CHD1: variants seen among roughly 807,000 people sequenced by gnomAD.
CHD1 encodes ATP-dependent chromatin remodeler CHD1.
In CHD1, 36 loss-of-function variants were observed where a neutral mutation model predicts 224.2. The observed-to-expected ratio is 0.16, with a 90% CI of 0.12 to 0.21. The LOEUF is 0.21. CHD1 is among the 10% of genes least tolerant of loss of function. The pLI is 1.00. For missense variants in CHD1, 1,378 were observed against 1,994.8 expected (o/e 0.69, Z 5.89); for synonymous variants, 668 against 658.3 (o/e 1.01, Z -0.23).
intron 16 of CHD1, 82 bp from the exon 17 acceptor site, chr5:98,888,322 T>C: frequency 3.1e-6 from 3 of 976,260 alleles, no homozygotes; most frequent in Non-Finnish European, 4.4e-6. Flanking sequence ...GCCTGAATTA[T>C]TTTAAATTGA....
In CHD1 at chr5:98,863,591, A is replaced by C; in HGVS notation, c.4249-5T>G. 1 of 1,589,460 alleles carries C rather than the reference A, an allele frequency of 6.3e-7. No individual in the cohort carries two copies. The highest frequency in any genetic ancestry group is 8.5e-7 in the Non-Finnish European group (1 of 1,172,004). On this transcript the variant is annotated splice_polypyrimidine_tract_variant and splice_region_variant and intron_variant, in intron 31 of 35. Transcript: ENST00000614616. ...AGGCCTCATTCTTTCTTTACACTTT[A>C]AAATGAGAAAACAAGAATATAAACA... is the stretch of plus-strand genomic sequence containing the variant.
chr5:98,872,455 C>T lies in CHD1; in HGVS notation c.3672G>A (p.Leu1224=), dbSNP rs1294830216. 2 of 1,613,324 alleles carry T rather than the reference C, an allele frequency of 1.2e-6. No individual in the cohort carries two copies. Among genetic ancestry groups the T allele is most frequent in the Non-Finnish European group, 1.7e-6 (2 of 1,179,686 alleles). The part of the protein sequence containing the change: ...VISHEEELIP[L]HKSIPSDPEE... ...CTGGATCAGAAGGAATGGATTTGTG[C>T]AAAGGTATTAATTCTTCTTCATGGG... The change falls in exon 27 of 36, where the codon TTG becomes TTA. Residue 1224 remains leucine, a synonymous_variant. Transcript: ENST00000614616.
At chr5:98,859,039 A>T (rs759665380) in intron 33 of CHD1, 24 bp from the exon 34 acceptor site, 72 of 1,553,626 alleles carry the variant, frequency 4.6e-5, no homozygotes, top group Non-Finnish European at 6.2e-5. Context: ...ACACGTGTTA[A>T]GAATCTTTAG....
intron 2 of CHD1, among the ~76,000 whole-genome samples, chr5:98,918,753 CAAA>C (rs35829200): frequency 6.2e-5 from 4 of 64,556 alleles, no homozygotes; most frequent in African/African-American, 1.8e-4. Flanking sequence ...CAAGACTCTT[CAAA>C]AAAAAAAAAA....
chr5:98,879,692 C>G lies in CHD1; in HGVS notation c.3097G>C (p.Glu1033Gln), dbSNP rs1347417790. 1.9e-6 allele frequency: 3 copies of G among 1,605,728 alleles called. No individual in the cohort carries two copies. Among genetic ancestry groups the G allele is most frequent in the Non-Finnish European group, 2.5e-6 (3 of 1,178,024 alleles). ...NFSNMDEDDI[E>Q]LEPERNSKNW... is the part of the protein sequence containing the mutation. Reference sequence around the variant, plus strand: ...TTTGAATTTCTTTCAGGTTCCAACTCAATGTCATCCTCATCCATATTTGAG... The same window carrying G: ...TTTGAATTTCTTTCAGGTTCCAACTGAATGTCATCCTCATCCATATTTGAG... The change falls in exon 23 of 36, where the codon GAG (glutamate) becomes CAG (glutamine). Residue 1033 changes from glutamate to glutamine, a missense_variant. Around this residue, in one of 16 missense-constraint regions of CHD1, gnomAD observed 286 missense variants for 445.1 expected, o/e 0.64. Transcript: ENST00000614616.
chr5:98,872,706 T>C, intron 26 of CHD1, 151 bp from the exon 27 acceptor site: 1 of 693,056 alleles, frequency 1.4e-6, no homozygotes, highest in African/African-American at 1.8e-5. Flanking sequence ...TTGAACTTCA[T>C]TACATATGAA....
intron 32 of CHD1, among the ~76,000 whole-genome samples, chr5:98,860,916 C>T (rs1748419561): frequency 6.6e-6 from 1 of 152,118 alleles, no homozygotes; most frequent in African/African-American, 2.4e-5. Flanking sequence ...CTATCTCGAA[C>T]ATATCTACAT....
intron 15 of CHD1, among the ~76,000 whole-genome samples, chr5:98,891,106 C>T (rs1750993944): frequency 6.6e-6 from 1 of 152,152 alleles, no homozygotes; most frequent in African/African-American, 2.4e-5. Flanking sequence ...TGGGGTCTCA[C>T]TCTGTCACCC....
intron 2 of CHD1, among the ~76,000 whole-genome samples, chr5:98,909,115 A>C (rs1373078589): frequency 6.6e-6 from 1 of 152,162 alleles, no homozygotes; most frequent in East Asian, 1.9e-4. Context: ...CTCTTAAAAG[A>C]TCACTTCGTT....
rs185704335 is a variant in CHD1, at chr5:98,856,013, T to C, written c.*367A>G. On this transcript the variant is annotated 3_prime_UTR_variant, in exon 36 of 36. Coordinates refer to ENST00000614616, the MANE Select transcript of CHD1 (RefSeq NM_001270.4). ...CCTGAAACATGATCACAGGTCAGAG[T>C]AAAGTTCATATATAAACATAATTTA... is the stretch of plus-strand genomic sequence containing the variant. The C allele has an allele frequency of 0.013, 2,129 of 163,460 alleles. 16 individuals are homozygous for C. The highest frequency in any genetic ancestry group is 0.019 in the Non-Finnish European group (1,414 of 73,560). The allele number at this position is 163,460 out of a possible 1,614,324, so 10.1% of individuals were successfully genotyped here.
intron 31 of CHD1, among the ~76,000 whole-genome samples, chr5:98,865,950 T>TG (rs33993651): frequency 1.3e-5 from 2 of 151,722 alleles, no homozygotes; most frequent in Non-Finnish European, 1.5e-5. Context: ...AAAAGAAATG[T>TG]GGGGGGAAAA....
chr5:98,922,008 C>T (rs972230402), intron 2 of CHD1, among the ~76,000 whole-genome samples: 3 of 152,062 alleles, frequency 2.0e-5, no homozygotes, highest in African/African-American at 4.8e-5. Context: ...CAAAAATTAG[C>T]GGGGCATGGT....
rs751872715 is a variant in CHD1 at position 98,926,415 on chromosome 5, T to A, written c.-29A>T. ...AAATTATTATCAAGAAGTTTTAAAGTAAAATATAAATCTTCCCAGTTTAAA... is the reference window on the plus strand; with the variant it reads ...AAATTATTATCAAGAAGTTTTAAAGAAAAATATAAATCTTCCCAGTTTAAA... On this transcript the variant is annotated 5_prime_UTR_variant, in exon 2 of 36. Transcript: ENST00000614616. The A allele has an allele frequency of 1.5e-5, 18 of 1,231,924 alleles. No individual in the cohort carries two copies. The highest frequency in any genetic ancestry group is 2.0e-5 in the Non-Finnish European group (18 of 885,698). 76.3% of individuals were successfully genotyped at this position (1,231,924 alleles called of 1,614,324 possible).
chr5:98,902,107 C>T (rs1011009073), intron 5 of CHD1, among the ~76,000 whole-genome samples: 3 of 151,156 alleles, frequency 2.0e-5, no homozygotes, highest in Non-Finnish European at 3.0e-5. Flanking sequence ...GCTTGCACAC[C>T]GAAAAAAAGT....
intron 30 of CHD1, chr5:98,869,550 C>T (rs1265611259): frequency 1.7e-6 from 1 of 576,378 alleles, no homozygotes; most frequent in African/African-American, 1.9e-5. Context: ...TATATAATAT[C>T]TACTGGACAG....
chr5:98,901,128 A>G, intron 6 of CHD1, 46 bp from the exon 7 acceptor site: 1 of 1,574,044 alleles, frequency 6.4e-7, no homozygotes. Flanking sequence ...GAGAAACTAT[A>G]TACAAAAAGA....
Position 98,907,440 on chromosome 5 carries a change from T to C in CHD1, c.54-2342A>G, listed in dbSNP as rs549044135. Among the ~76,000 whole-genome samples, 61 of 151,998 alleles carry C rather than the reference T, an allele frequency of 4.0e-4. 1 individual carries two copies. In the South Asian group the frequency reaches 0.012, roughly 30 times the overall value. Reference sequence around the variant, plus strand: ...CTCGACTCTACTGAAAATACAAAACTGGCTGGGCATGGTGGCGCATGCCTG... The same window carrying C: ...CTCGACTCTACTGAAAATACAAAACCGGCTGGGCATGGTGGCGCATGCCTG... On this transcript the variant is annotated intron_variant, in intron 2 of 35. Coordinates refer to ENST00000614616, the MANE Select transcript of CHD1 (RefSeq NM_001270.4).
chr5:98,884,256 A>G (rs1224199230), intron 18 of CHD1, among the ~76,000 whole-genome samples: 1 of 151,662 alleles, frequency 6.6e-6, no homozygotes, highest in East Asian at 2.0e-4. Context: ...TTGTATTTTT[A>G]GTAGAGATGG....
chr5:98,868,745 C>T, intron 30 of CHD1, 110 bp from the exon 31 acceptor site: 1 of 1,062,156 alleles, frequency 9.4e-7, no homozygotes, highest in Non-Finnish European at 1.3e-6. Context: ...TACAAGTGCT[C>T]ATTCTCATTG....
Sources: gnomAD v4.1 joint callset for allele counts (sites outside exome capture counted in the v4.1 genomes callset) on GRCh38, gnomAD v4.1.1 for gene constraint, gnomAD v4.1.1 regional missense constraint, MANE v1.5 for transcripts, NCBI Gene and HGNC (gene_info 2026-07-23, HGNC 2026-07-21) for gene names.